RYR2: variants seen among roughly 807,000 people sequenced by gnomAD.
RYR2 encodes ryanodine receptor 2.
In RYR2, 227 loss-of-function variants were observed where a neutral mutation model predicts 601.1. That is an observed-to-expected ratio of 0.38 (90% CI 0.34 to 0.42). The LOEUF is 0.42. Among genes scored for constraint, RYR2 ranks in the 10% least tolerant of loss-of-function variants. RYR2 has a pLI of 1.00. For missense variants in RYR2, 4,646 were observed against 6,156.5 expected, an observed-to-expected ratio of 0.75 and a Z score of 8.21; for synonymous variants, 2,223 against 2,175.1, an observed-to-expected ratio of 1.02 and a Z score of -0.61.
chr1:237,125,825 A>G (rs570886407), intron 1 of RYR2, among the ~76,000 whole-genome samples: 8 of 152,362 alleles, frequency 5.3e-5, no homozygotes, highest in Non-Finnish European at 1.2e-4. Flanking sequence ...CATTTTCAAA[A>G]TGTCACTTTC....
chr1:237,786,918 C>T (rs759554642), intron 91 of RYR2, among the ~76,000 whole-genome samples: 13 of 151,918 alleles, frequency 8.6e-5, no homozygotes, highest in Non-Finnish European at 1.8e-4. Context: ...TAAAAATGGC[C>T]CCATAAAAAG....
intron 29 of RYR2, among the ~76,000 whole-genome samples, chr1:237,576,636 A>G (rs1673251503): frequency 6.6e-6 from 1 of 152,154 alleles, no homozygotes; most frequent in African/African-American, 2.4e-5. Flanking sequence ...GGTGGAGTAT[A>G]TAGACAAATT....
At chr1:237,320,919 G>T (rs6687754) in intron 2 of RYR2, among the ~76,000 whole-genome samples, 3 of 150,624 alleles carry the variant, frequency 2.0e-5, no homozygotes, top group African/African-American at 7.3e-5. Flanking sequence ...CATTCTCTCT[G>T]TGTGTGTGTG....
In RYR2 at chr1:237,798,460, A is replaced by C. The variant is rs531506194; in HGVS notation, c.14090+290A>C. On this transcript the variant is annotated intron_variant, in intron 97 of 104. Transcript: ENST00000366574. The stretch of plus-strand genomic sequence containing the variant: ...TTTTCTGTCTTTAAATGATCCTTAA[A>C]TCTAAGTAAAACACATGCAAAAACT... Among the ~76,000 whole-genome samples the C allele has an allele frequency of 6.6e-5, 10 of 152,230 alleles. No individual in the cohort carries two copies. The East Asian group carries it at 1.7e-3, about 26-fold the overall frequency.
intron 25 of RYR2, among the ~76,000 whole-genome samples, chr1:237,531,535 C>T (rs569615962): frequency 6.6e-6 from 1 of 152,220 alleles, no homozygotes; most frequent in South Asian, 2.1e-4. Context: ...AAAGTAGCCA[C>T]CCCATAATCT....
chr1:237,637,392 A>G (rs1212317913), intron 44 of RYR2, among the ~76,000 whole-genome samples: 2 of 152,328 alleles, frequency 1.3e-5, no homozygotes, highest in South Asian at 4.1e-4. Context: ...TTCGTATAAA[A>G]CAAAAATATT....
At chr1:237,164,161 C>T (rs1380059457) in intron 1 of RYR2, among the ~76,000 whole-genome samples, 4 of 152,194 alleles carry the variant, frequency 2.6e-5, no homozygotes, top group Non-Finnish European at 4.4e-5. Flanking sequence ...GTGGCCTGTG[C>T]CTGTAGTCCC....
At chr1:237,643,657 G>C (rs1030605732) in intron 48 of RYR2, among the ~76,000 whole-genome samples, 23 of 149,554 alleles carry the variant, frequency 1.5e-4, no homozygotes, top group Middle Eastern at 3.4e-3. Flanking sequence ...CTGTAGCCCA[G>C]GCTGGAGTGC....
intron 87 of RYR2, among the ~76,000 whole-genome samples, chr1:237,775,004 G>A (rs1286711855): frequency 7.1e-6 from 1 of 140,286 alleles, no homozygotes; most frequent in Non-Finnish European, 1.5e-5. Flanking sequence ...ATAGAACACA[G>A]ATTTCTATGT....
At chr1:237,071,190 G>C (rs187746913) in intron 1 of RYR2, among the ~76,000 whole-genome samples, 13 of 151,910 alleles carry the variant, frequency 8.6e-5, no homozygotes, top group African/African-American at 3.1e-4. Flanking sequence ...TCTTCCTGAC[G>C]AGTGTGCGAG....
chr1:237,315,844 A>C (rs973000734), intron 2 of RYR2, among the ~76,000 whole-genome samples: 2 of 152,234 alleles, frequency 1.3e-5, no homozygotes, highest in African/African-American at 4.8e-5. Flanking sequence ...GTGTAGTTTA[A>C]TAGTAACCAT....
In RYR2 at chr1:237,818,901, A is replaced by T. The variant is rs148912907; in HGVS notation, c.14434-135A>T. On this transcript the variant is annotated intron_variant, in intron 100 of 104. Transcript: ENST00000366574. Reference sequence around the variant, plus strand: ...GCTTCACAACTAGAAATACTGAAACAAAAAGAGGCAATATAGAATGCAAAA... The same window carrying T: ...GCTTCACAACTAGAAATACTGAAACTAAAAGAGGCAATATAGAATGCAAAA... The T allele has an allele frequency of 7.8e-3, 5,596 of 721,588 alleles. 39 individuals carry two copies. The highest frequency in any genetic ancestry group is 0.021 in the Middle Eastern group (73 of 3,510). 44.7% of individuals were successfully genotyped at this position (721,588 alleles called of 1,614,324 possible).
chr1:237,260,711 T>A (rs926338255), intron 1 of RYR2, among the ~76,000 whole-genome samples: 1 of 152,222 alleles, frequency 6.6e-6, no homozygotes, highest in Non-Finnish European at 1.5e-5. Flanking sequence ...ATTCTCAATG[T>A]TTCCAGTCTT....
intron 29 of RYR2, among the ~76,000 whole-genome samples, chr1:237,577,036 T>C (rs1673298009): frequency 6.6e-6 from 1 of 152,176 alleles, no homozygotes; most frequent in Non-Finnish European, 1.5e-5. Flanking sequence ...CTCTCCACTT[T>C]GGAAAACTGT....
At chr1:237,359,938 A>T (rs562383397) in intron 4 of RYR2, among the ~76,000 whole-genome samples, 1 of 152,226 alleles carries the variant, frequency 6.6e-6, no homozygotes, top group East Asian at 1.9e-4. Flanking sequence ...AAGCAAAAGG[A>T]TGAAATAGAC....
At chr1:237,772,312 T>C (rs1351228590) in intron 86 of RYR2, among the ~76,000 whole-genome samples, 1 of 152,218 alleles carries the variant, frequency 6.6e-6, no homozygotes, top group Admixed American at 6.5e-5. Flanking sequence ...ATTTTATTTC[T>C]GTAAGTAGAG....
chr1:237,364,479 T>C, intron 5 of RYR2, 107 bp downstream of exon 5: 2 of 500,180 alleles, frequency 4.0e-6, no homozygotes, highest in Middle Eastern at 5.4e-4. Context: ...ATTATATATA[T>C]GACAGATATA....
At chr1:237,762,251 C>T (rs1450762722) in intron 84 of RYR2, among the ~76,000 whole-genome samples, 1 of 152,130 alleles carries the variant, frequency 6.6e-6, no homozygotes, top group Non-Finnish European at 1.5e-5. Context: ...GTTCAGAAGG[C>T]CAGACCTTTG....
chr1:237,564,208 ACT>A (rs1476115980), intron 27 of RYR2, among the ~76,000 whole-genome samples: 1 of 152,108 alleles, frequency 6.6e-6, no homozygotes, highest in African/African-American at 2.4e-5. Context: ...GGAAATACTA[ACT>A]CTGAGTAAAA....
Sources: gnomAD v4.1 joint callset for allele counts (sites outside exome capture counted in the v4.1 genomes callset) on GRCh38, gnomAD v4.1.1 for gene constraint, MANE v1.5 for transcripts, NCBI Gene and HGNC (gene_info 2026-07-23, HGNC 2026-07-21) for gene names.